Variants in JMY observed in about 807,000 individuals in gnomAD.
The protein encoded by JMY is junction-mediating and -regulatory protein.
A neutral mutation model predicts 103.3 loss-of-function variants in JMY; 46 were observed. That is an observed-to-expected ratio of 0.45 (90% CI 0.35 to 0.57). The LOEUF (loss-of-function observed/expected upper bound fraction) is 0.57. Ranked by LOEUF, JMY falls within the 20% of genes least tolerant of loss-of-function variation. The probability of loss-of-function intolerance (pLI) is 0.00; values close to 1 mark genes in which losing one functional copy is unlikely to be tolerated. For missense variants in JMY, 1,238 were observed against 1,255.2 expected (o/e 0.99, Z 0.21); for synonymous variants, 526 against 489.3 (o/e 1.07, Z -0.99).
At position 79,236,524 on chromosome 5, in the gene JMY, C is replaced by T. The variant is rs1047954357; in HGVS notation, c.-127C>T. 13 of 658,894 alleles carry T rather than the reference C, an allele frequency of 2.0e-5. No individual in the cohort carries two copies. Among genetic ancestry groups the T allele is most frequent in the Non-Finnish European group, 2.7e-5 (12 of 449,098 alleles). 40.8% of individuals were successfully genotyped at this position (658,894 alleles called of 1,614,324 possible). On this transcript the variant is annotated 5_prime_UTR_variant, in exon 1 of 11. Coordinates refer to ENST00000396137, the MANE Select transcript of JMY (RefSeq NM_152405.5). ...GGACAGGCGAACGAGCCGGGAGAGC[C>T]GGCCGGCGCACTAAGATGGCTGAAG...
intron 1 of JMY, among the ~76,000 whole-genome samples, chr5:79,265,610 A>G (rs1207954088): frequency 6.6e-6 from 1 of 151,950 alleles, no homozygotes; most frequent in Non-Finnish European, 1.5e-5. Flanking sequence ...GATTGACCAC[A>G]TGCAATGTTC....
At chr5:79,303,596 A>C (rs959894149) in intron 6 of JMY, among the ~76,000 whole-genome samples, 1 of 152,202 alleles carries the variant, frequency 6.6e-6, no homozygotes, top group Admixed American at 6.5e-5. Context: ...GAAAGGCTCT[A>C]AGGAAAGAAC....
Position 79,237,420 on chromosome 5 carries a change from C to G in JMY, c.770C>G (p.Pro257Arg). ...AACTCGCAGTTGGAGCCGTGCCTGC[C>G]GGTGTTCCCCGAGGAACCTTCGGGC... ...SVNSQLEPCL[P>R]VFPEEPSGMW... Residue 257 changes from proline (P) to arginine (R), a missense_variant, in exon 1 of 11, where the codon CCG becomes CGG. By Grantham distance (103) the Pro-to-Arg change is moderately radical. Transcript: ENST00000396137. 6.2e-7 allele frequency: 1 copy of G among 1,613,748 alleles called. No homozygotes were observed. Among genetic ancestry groups the G allele is most frequent in the Non-Finnish European group, 8.5e-7 (1 of 1,180,018 alleles).
intron 4 of JMY, among the ~76,000 whole-genome samples, chr5:79,297,250 A>AT (rs1746589384): frequency 6.6e-6 from 1 of 152,164 alleles, no homozygotes; most frequent in Non-Finnish European, 1.5e-5. Context: ...GCTAAGTTAA[A>AT]TTTTAAGATG....
intron 1 of JMY, among the ~76,000 whole-genome samples, chr5:79,275,519 C>T (rs141525390): frequency 1.7e-3 from 266 of 152,274 alleles, no homozygotes; most frequent in African/African-American, 5.5e-3. Context: ...CTGGGGCACA[C>T]CCTCAGGCTG....
chr5:79,284,006 T>A, intron 2 of JMY: 2 of 602,076 alleles, frequency 3.3e-6, no homozygotes, highest in Non-Finnish European at 5.4e-6. Flanking sequence ...ATAAACACAT[T>A]TTGAAGGTAA....
chr5:79,256,657 G>A (rs941514873), intron 1 of JMY, among the ~76,000 whole-genome samples: 3 of 152,012 alleles, frequency 2.0e-5, no homozygotes, highest in African/African-American at 4.8e-5. Context: ...TTCCTTTTTG[G>A]CCTCCAAAAG....
intron 7 of JMY, among the ~76,000 whole-genome samples, chr5:79,307,334 A>C (rs989890834): frequency 6.6e-6 from 1 of 152,254 alleles, no homozygotes; most frequent in African/African-American, 2.4e-5. Flanking sequence ...ACTGTCTTCC[A>C]TAGTGGCTGT....
chr5:79,298,734 A>G lies in JMY; in HGVS notation c.1528-1419A>G, dbSNP rs58381030. Among the ~76,000 whole-genome samples, 294 of 152,358 alleles carry G rather than the reference A, an allele frequency of 1.9e-3. 1 individual carries two copies. Among genetic ancestry groups the G allele is most frequent in the African/African-American group, 6.6e-3 (273 of 41,592 alleles). On this transcript the variant is annotated intron_variant, in intron 4 of 10. Transcript: ENST00000396137. ...ACCTGGTTATTTTTAAATTTTTACA[A>G]CTGCACGTTTAGACTGGAGCCTAAC...
chr5:79,299,925 AT>A (rs970509921), intron 4 of JMY, among the ~76,000 whole-genome samples: 2 of 151,828 alleles, frequency 1.3e-5, no homozygotes, highest in African/African-American at 4.8e-5. Context: ...TTAAAACCTT[AT>A]TTTTACCATG....
At chr5:79,290,344 A>G (rs1404365414) in intron 3 of JMY, 73 bp downstream of exon 3, 4 of 1,079,880 alleles carry the variant, frequency 3.7e-6, no homozygotes, top group Admixed American at 5.7e-5. Flanking sequence ...GTTCAGAAAA[A>G]TTACATAGAA....
rs538435754 is a variant in JMY at position 79,291,220 on chromosome 5, C to A, written c.1448C>A (p.Ala483Glu). Residue 483 changes from alanine to glutamate, a missense_variant, in exon 4 of 11, where the codon GCA becomes GAA. Physicochemically the swap from Ala to Glu is moderately radical, Grantham distance 107. Coordinates refer to ENST00000396137, the MANE Select transcript of JMY (RefSeq NM_152405.5). ...AAERMEKLQY[A>E]VSKETLQMMR... ...GAACGGATGGAAAAACTCCAGTATG[C>A]AGTTTCTAAGGAAACTTTGCAGATG... 1 of 1,613,006 alleles carries A rather than the reference C, an allele frequency of 6.2e-7. No homozygotes were observed. The highest frequency in any genetic ancestry group is 1.1e-5 in the South Asian group (1 of 90,808).
rs1747672297 is a variant in JMY at position 79,327,049 on chromosome 5, G to A, written c.*5447G>A. 6.6e-6 allele frequency: 1 copy of A among 152,076 alleles called. No homozygotes were observed. 9.4% of individuals were successfully genotyped at this position (152,076 alleles called of 1,614,324 possible). On this transcript the variant is annotated 3_prime_UTR_variant, in exon 11 of 11. Coordinates refer to ENST00000396137, the MANE Select transcript of JMY (RefSeq NM_152405.5). ...TTCTGCATTGTAATTGTATTGCTTTGTATTTCATGTTTTTTACACTCATGA... is the reference window on the plus strand; with the variant it reads ...TTCTGCATTGTAATTGTATTGCTTTATATTTCATGTTTTTTACACTCATGA...
At chr5:79,285,993 T>G (rs751652901) in intron 2 of JMY, among the ~76,000 whole-genome samples, 9 of 152,204 alleles carry the variant, frequency 5.9e-5, no homozygotes, top group Non-Finnish European at 1.5e-5. Flanking sequence ...GGCACTGTTT[T>G]CTTTCTAGCA....
intron 4 of JMY, among the ~76,000 whole-genome samples, chr5:79,295,560 A>T (rs1226451091): frequency 6.6e-6 from 1 of 152,264 alleles, no homozygotes; most frequent in Admixed American, 6.5e-5. Context: ...GTATCCCAGA[A>T]GGGAATACAG....
chr5:79,253,273 T>G (rs1745142494), intron 1 of JMY, among the ~76,000 whole-genome samples: 1 of 152,166 alleles, frequency 6.6e-6, no homozygotes, highest in African/African-American at 2.4e-5. Context: ...GTCTAACCGT[T>G]ATTTTTGATT....
chr5:79,307,289 G>C (rs567741156), intron 7 of JMY, among the ~76,000 whole-genome samples: 3 of 152,266 alleles, frequency 2.0e-5, no homozygotes, highest in African/African-American at 7.2e-5. Context: ...GGAGAGTATG[G>C]TAAGAGTGTA....
Position 79,313,914 on chromosome 5 carries a change from G to A in JMY, c.2065-343G>A, listed in dbSNP as rs145761857. 1.6e-3 allele frequency among the ~76,000 whole-genome samples: 240 copies of A among 152,190 alleles called. 1 individual carries two copies. Among genetic ancestry groups the A allele is most frequent in the African/African-American group, 5.4e-3 (226 of 41,546 alleles). ...CACTCTGTCACTCAGGCTGGAGTGC[G>A]GTGGCACAATCTCGGCTCACTGCAA... On this transcript the variant is annotated intron_variant, in intron 8 of 10. Coordinates refer to ENST00000396137, the MANE Select transcript of JMY (RefSeq NM_152405.5).
intron 2 of JMY, among the ~76,000 whole-genome samples, chr5:79,286,104 C>T (rs1334527062): frequency 4.6e-5 from 7 of 152,064 alleles, no homozygotes; most frequent in Non-Finnish European, 8.8e-5. Flanking sequence ...TACTTAGTAC[C>T]CTTGTTTAAT....
Sources: allele counts gnomAD v4.1 joint callset (sites outside exome capture counted in the v4.1 genomes callset), GRCh38; gene constraint gnomAD v4.1.1; transcripts MANE v1.5; gene names NCBI Gene and HGNC (gene_info 2026-07-23, HGNC 2026-07-21).